Variants in SGCZ observed in about 807,000 individuals in gnomAD.
SGCZ encodes the protein sarcoglycan zeta.
In SGCZ, 40 loss-of-function variants were observed where a neutral mutation model predicts 41.3. That is an observed-to-expected ratio of 0.97 (90% CI 0.75 to 1.26). SGCZ has a LOEUF of 1.26. Among genes scored for constraint, SGCZ ranks in the 50% most tolerant of loss-of-function variants. The pLI, the probability that SGCZ is intolerant of heterozygous loss-of-function variation, is 0.00. For missense variants in SGCZ, 552 were observed against 369.8 expected, an observed-to-expected ratio of 1.49 and a Z score of -4.04; for synonymous variants, 206 against 137.5, an observed-to-expected ratio of 1.50 and a Z score of -3.49.
At chr8:14,341,646 C>T (rs971655783) in intron 2 of SGCZ, among the ~76,000 whole-genome samples, 1 of 152,132 alleles carries the variant, frequency 6.6e-6, no homozygotes, top group Non-Finnish European at 1.5e-5. Context: ...TTGTATCTCC[C>T]AGAATTCCCA....
intron 5 of SGCZ, among the ~76,000 whole-genome samples, chr8:14,141,550 C>A (rs538214698): frequency 1.4e-4 from 22 of 152,254 alleles, no homozygotes; most frequent in Admixed American, 1.4e-3. Flanking sequence ...ATGCAGCCAA[C>A]AGACACATGC....
At chr8:14,765,817 C>T (rs1471840753) in intron 1 of SGCZ, among the ~76,000 whole-genome samples, 1 of 152,014 alleles carries the variant, frequency 6.6e-6, no homozygotes, top group African/African-American at 2.4e-5. Context: ...TATCACACAG[C>T]CTGCAAAAAA....
chr8:14,393,401 A>G (rs146951943), intron 2 of SGCZ, among the ~76,000 whole-genome samples: 9 of 152,280 alleles, frequency 5.9e-5, no homozygotes, highest in African/African-American at 2.2e-4. Context: ...TCCCTTGTCA[A>G]CCACATGTAC....
At chr8:15,034,135 C>T (rs947709891) in intron 1 of SGCZ, among the ~76,000 whole-genome samples, 1 of 152,052 alleles carries the variant, frequency 6.6e-6, no homozygotes, top group Non-Finnish European at 1.5e-5. Context: ...GGTTCTACCC[C>T]AAACAGTCTG....
intron 1 of SGCZ, among the ~76,000 whole-genome samples, chr8:14,833,310 T>C (rs1585302761): frequency 6.6e-6 from 1 of 152,228 alleles, no homozygotes; most frequent in Admixed American, 6.5e-5. Flanking sequence ...ATGGAGGCTG[T>C]TGTCAACTGG....
chr8:14,962,766 AT>A, intron 1 of SGCZ, among the ~76,000 whole-genome samples: 1 of 152,306 alleles, frequency 6.6e-6, no homozygotes, highest in East Asian at 1.9e-4. Context: ...GCAACAAATG[AT>A]GTTTGCACTT....
intron 3 of SGCZ, among the ~76,000 whole-genome samples, chr8:14,250,380 A>T (rs1444070609): frequency 6.6e-6 from 1 of 152,178 alleles, no homozygotes; most frequent in Non-Finnish European, 1.5e-5. Context: ...AAATGTGTCG[A>T]AATTTTTTTT....
At chr8:15,215,576 G>C (rs928485130) in intron 1 of SGCZ, among the ~76,000 whole-genome samples, 1 of 152,132 alleles carries the variant, frequency 6.6e-6, no homozygotes, top group Non-Finnish European at 1.5e-5. Flanking sequence ...GCCAGCTGGA[G>C]GTAAGACATT....
intron 1 of SGCZ, among the ~76,000 whole-genome samples, chr8:14,681,174 T>G (rs1346356629): frequency 6.6e-6 from 1 of 152,012 alleles, no homozygotes; most frequent in Admixed American, 6.6e-5. Flanking sequence ...CACAGCACAC[T>G]AAAATATATC....
intron 1 of SGCZ, among the ~76,000 whole-genome samples, chr8:15,000,359 G>A (rs1246468030): frequency 6.6e-6 from 1 of 152,168 alleles, no homozygotes; most frequent in African/African-American, 2.4e-5. Context: ...GACCAGTTTA[G>A]AGGGTGTCCT....
At chr8:14,133,784 C>T (rs556331773) in intron 5 of SGCZ, among the ~76,000 whole-genome samples, 3 of 152,200 alleles carry the variant, frequency 2.0e-5, no homozygotes, top group African/African-American at 7.2e-5. Flanking sequence ...AGGATGAAAG[C>T]TTGGAGCTGC....
intron 1 of SGCZ, among the ~76,000 whole-genome samples, chr8:14,680,650 G>A (rs541662591): frequency 1.3e-5 from 2 of 151,800 alleles, no homozygotes; most frequent in East Asian, 3.9e-4. Flanking sequence ...CATGAGACTG[G>A]TGAGGAGAGA....
chr8:14,229,534 T>C (rs536853955), intron 4 of SGCZ, among the ~76,000 whole-genome samples: 1 of 152,224 alleles, frequency 6.6e-6, no homozygotes, highest in South Asian at 2.1e-4. Flanking sequence ...GAAATGTATA[T>C]GTAGTATTAA....
intron 1 of SGCZ, among the ~76,000 whole-genome samples, chr8:14,999,204 G>C (rs1177350227): frequency 6.6e-6 from 1 of 152,078 alleles, no homozygotes; most frequent in African/African-American, 2.4e-5. Context: ...CTAATACATG[G>C]GGTTTCTCTT....
intron 1 of SGCZ, among the ~76,000 whole-genome samples, chr8:14,670,855 T>A (rs1049215447): frequency 6.6e-6 from 1 of 152,214 alleles, no homozygotes. Flanking sequence ...AAAGCTCACA[T>A]TCATTTCAAA....
intron 2 of SGCZ, among the ~76,000 whole-genome samples, chr8:14,522,272 T>C (rs1248935026): frequency 1.3e-5 from 2 of 152,082 alleles, no homozygotes; most frequent in South Asian, 2.1e-4. Context: ...AGGTTAATAA[T>C]AGTGTGTTCC....
At chr8:14,157,269 T>C (rs1451017097) in intron 5 of SGCZ, among the ~76,000 whole-genome samples, 1 of 149,074 alleles carries the variant, frequency 6.7e-6, no homozygotes, top group African/African-American at 2.4e-5. Flanking sequence ...ATTTTATATA[T>C]ATATAAAATG....
chr8:14,421,757 A>G (rs1799643096), intron 2 of SGCZ, among the ~76,000 whole-genome samples: 1 of 152,162 alleles, frequency 6.6e-6, no homozygotes, highest in Admixed American at 6.6e-5. Flanking sequence ...TGTGTAATTA[A>G]TCCCAAAAGC....
At chr8:14,618,629 A>T (rs757496639) in intron 1 of SGCZ, among the ~76,000 whole-genome samples, 6 of 152,194 alleles carry the variant, frequency 3.9e-5, no homozygotes, top group Non-Finnish European at 8.8e-5. Context: ...TAAAAAGTAG[A>T]GTCAATGAAG....
Sources: gnomAD v4.1 joint callset for allele counts (sites outside exome capture counted in the v4.1 genomes callset) on GRCh38, gnomAD v4.1.1 for gene constraint, MANE v1.5 for transcripts, NCBI Gene and HGNC (gene_info 2026-07-23, HGNC 2026-07-21) for gene names.